AFF3: variants seen among roughly 807,000 people sequenced by gnomAD.
AFF3 encodes AF4/FMR2 family member 3.
A neutral mutation model predicts 129.7 loss-of-function variants in AFF3; 32 were observed. The observed-to-expected ratio is 0.25, with a 90% CI of 0.19 to 0.33. The LOEUF is 0.33. Ranked by LOEUF, AFF3 falls within the 10% of genes least tolerant of loss-of-function variation. AFF3 has a pLI of 1.00. For synonymous variants in AFF3, 644 were observed against 635.4 expected (o/e 1.01, Z -0.20); for missense variants, 1,373 against 1,592.0 (o/e 0.86, Z 2.34).
At chr2:100,011,352 C>T (rs1682532535) in intron 4 of AFF3, 1 of 718,162 alleles carries the variant, frequency 1.4e-6, no homozygotes. Context: ...CACACACATG[C>T]TTGCTGCCCT....
chr2:100,015,273 G>C (rs771102788), intron 4 of AFF3, among the ~76,000 whole-genome samples: 23 of 152,238 alleles, frequency 1.5e-4, no homozygotes, highest in Admixed American at 7.2e-4. Context: ...AGAGGACACA[G>C]AGAAACACTC....
chr2:99,589,599 C>G (rs1027502446), intron 15 of AFF3, among the ~76,000 whole-genome samples: 1 of 151,990 alleles, frequency 6.6e-6, no homozygotes, highest in South Asian at 2.1e-4. Flanking sequence ...CAGGGTTTCA[C>G]CATGTTGGCC....
At chr2:100,019,923 GT>G (rs1336548290) in intron 4 of AFF3, among the ~76,000 whole-genome samples, 16 of 152,120 alleles carry the variant, frequency 1.1e-4, no homozygotes, top group Non-Finnish European at 1.9e-4. Flanking sequence ...ACTTTCTCGT[GT>G]TTGCTCTTGG....
At chr2:99,676,858 C>T (rs528288119) in intron 11 of AFF3, among the ~76,000 whole-genome samples, 5 of 152,242 alleles carry the variant, frequency 3.3e-5, no homozygotes, top group South Asian at 4.1e-4. Context: ...CCCCAGTGCA[C>T]GGAGAGGTCT....
At chr2:100,140,311 A>T (rs1407255877) in intron 1 of AFF3, among the ~76,000 whole-genome samples, 1 of 152,148 alleles carries the variant, frequency 6.6e-6, no homozygotes, top group African/African-American at 2.4e-5. Context: ...TGTAGAAAAA[A>T]TGGTTGGAAT....
At position 99,648,917 on chromosome 2, in the gene AFF3, A is replaced by ACACACACACTCT; in HGVS notation, c.1184+708_1184+709insAGAGTGTGTGTG. Among the ~76,000 whole-genome samples, 102 of 46,922 alleles carry ACACACACACTCT rather than the reference A, an allele frequency of 2.2e-3. 1 individual carries two copies. Among genetic ancestry groups the ACACACACACTCT allele is most frequent in the African/African-American group, 5.7e-3 (88 of 15,542 alleles). 30.8% of individuals were successfully genotyped at this position (46,922 alleles called of 152,430 possible). On this transcript the variant is annotated intron_variant, in intron 13 of 24. Coordinates refer to ENST00000672756, the MANE Select transcript of AFF3 (RefSeq NM_001386135.1). ...CACACACACACACACACACACACAC[A>ACACACACACTCT]CTCTCTCTCTCTCTCTCTCTCCAAT...
intron 8 of AFF3, among the ~76,000 whole-genome samples, chr2:99,764,972 T>C (rs1682890830): frequency 6.6e-6 from 1 of 152,204 alleles, no homozygotes; most frequent in Non-Finnish European, 1.5e-5. Flanking sequence ...TCCCAAATTC[T>C]GAATCTGGGG....
chr2:99,982,154 T>C (rs965356137), intron 7 of AFF3, among the ~76,000 whole-genome samples: 1 of 152,188 alleles, frequency 6.6e-6, no homozygotes, highest in Admixed American at 6.5e-5. Flanking sequence ...GTGACTGATA[T>C]GGTTTGGCTG....
chr2:99,996,259 C>A lies in AFF3; in HGVS notation c.873+10373G>T, dbSNP rs138820598. The stretch of plus-strand genomic sequence containing the variant: ...TAAGGAAAATAAATTAGATAACAAT[C>A]AAATATAATAGCTTTAATCCCAATT... On this transcript the variant is annotated intron_variant, in intron 7 of 24. Transcript: ENST00000672756. Among the ~76,000 whole-genome samples, 1,333 of 152,130 alleles carry A rather than the reference C, an allele frequency of 8.8e-3. 24 individuals are homozygous for A. Among genetic ancestry groups the A allele is most frequent in the Non-Finnish European group, 9.2e-3 (627 of 67,992 alleles).
chr2:99,810,894 G>A (rs1010919134), intron 8 of AFF3, among the ~76,000 whole-genome samples: 3 of 152,024 alleles, frequency 2.0e-5, no homozygotes, highest in Admixed American at 1.3e-4. Context: ...CAAAGCCAGC[G>A]ACACTGGACA....
intron 4 of AFF3, among the ~76,000 whole-genome samples, chr2:100,019,843 C>G (rs1332838180): frequency 6.6e-6 from 1 of 152,112 alleles, no homozygotes; most frequent in East Asian, 1.9e-4. Flanking sequence ...AGCCCTTTCT[C>G]CTCCCCAGGC....
chr2:99,622,645 G>T (rs1378030596), intron 13 of AFF3, among the ~76,000 whole-genome samples: 1 of 152,212 alleles, frequency 6.6e-6, no homozygotes, highest in South Asian at 2.1e-4. Context: ...AAAAGGAAAA[G>T]AATCACCACA....
chr2:99,898,701 C>T (rs1694150979), intron 7 of AFF3, among the ~76,000 whole-genome samples: 1 of 152,204 alleles, frequency 6.6e-6, no homozygotes, highest in Admixed American at 6.5e-5. Context: ...AAGCCCATTC[C>T]CCAGGAAGCC....
rs1049856816 is a variant in AFF3 at position 99,641,700 on chromosome 2, CGAAAT to C, written c.1184+7921_1184+7925del. Among the ~76,000 whole-genome samples, 5 of 152,048 alleles carry C rather than the reference CGAAAT, an allele frequency of 3.3e-5. No homozygotes were observed. The South Asian group carries it at 1.0e-3, about 32-fold the overall frequency. ...CTCAAAACAAAAACAAAAAAGAACA[CGAAAT>C]GAAATGAAATGGAGTTTCATGGAAA... On this transcript the variant is annotated intron_variant, in intron 13 of 24. Transcript: ENST00000672756.
At chr2:99,762,390 G>A (rs1259897772) in intron 8 of AFF3, among the ~76,000 whole-genome samples, 3 of 152,114 alleles carry the variant, frequency 2.0e-5, no homozygotes, top group South Asian at 2.1e-4. Context: ...CTCCCAAAGT[G>A]CTGGGATTAC....
chr2:99,821,945 A>T (rs1268837124), intron 8 of AFF3, among the ~76,000 whole-genome samples: 1 of 152,168 alleles, frequency 6.6e-6, no homozygotes, highest in Non-Finnish European at 1.5e-5. Flanking sequence ...TCATTTCCCC[A>T]AGGCTGTGAG....
At chr2:99,846,647 A>C (rs1389025192) in intron 7 of AFF3, among the ~76,000 whole-genome samples, 1 of 152,260 alleles carries the variant, frequency 6.6e-6, no homozygotes, top group African/African-American at 2.4e-5. Context: ...CACCACTCTA[A>C]TTTGTGTCCC....
At position 99,841,565 on chromosome 2, in the gene AFF3, T is replaced by C. The variant is rs548147746; in HGVS notation, c.874-4041A>G. 9.2e-5 allele frequency among the ~76,000 whole-genome samples: 14 copies of C among 152,358 alleles called. 1 individual carries two copies. The East Asian group carries it at 2.5e-3, about 27-fold the overall frequency. Reference sequence around the variant, plus strand: ...GTCTTTTCAGAACACTGAGAAATGTTCTGGGGACTCAAGAAGAGTACCACA... The same window carrying C: ...GTCTTTTCAGAACACTGAGAAATGTCCTGGGGACTCAAGAAGAGTACCACA... On this transcript the variant is annotated intron_variant, in intron 7 of 24. Coordinates refer to ENST00000672756, the MANE Select transcript of AFF3 (RefSeq NM_001386135.1).
intron 7 of AFF3, among the ~76,000 whole-genome samples, chr2:99,930,918 T>TG (rs913915555): frequency 6.6e-6 from 1 of 152,178 alleles, no homozygotes; most frequent in African/African-American, 2.4e-5. Flanking sequence ...ACACTTACAA[T>TG]GGCTCTCACA....
Sources: allele counts gnomAD v4.1 joint callset (sites outside exome capture counted in the v4.1 genomes callset), GRCh38; gene constraint gnomAD v4.1.1; transcripts MANE v1.5; gene names NCBI Gene and HGNC (gene_info 2026-07-23, HGNC 2026-07-21).